The following YES1 variants were observed in gnomAD, a reference collection of about 807,000 sequenced individuals.
YES1 encodes YES proto-oncogene 1, Src family tyrosine kinase.
Under a neutral mutation model 70.4 loss-of-function variants are expected in YES1, and 39 were observed. The observed-to-expected ratio is 0.55, with a 90% CI of 0.43 to 0.72. The LOEUF is 0.72. Ranked by LOEUF, YES1 falls within the 30% of genes least tolerant of loss-of-function variation. The probability of loss-of-function intolerance (pLI) is 0.00; values close to 1 mark genes in which losing one functional copy is unlikely to be tolerated. For missense variants in YES1, 495 were observed against 644.8 expected, an observed-to-expected ratio of 0.77 and a Z score of 2.52; for synonymous variants, 198 against 218.6, an observed-to-expected ratio of 0.91 and a Z score of 0.83.
chr18:731,087 G>T (rs1278622730), intron 11 of YES1, among the ~76,000 whole-genome samples: 1 of 152,208 alleles, frequency 6.6e-6, no homozygotes, highest in Non-Finnish European at 1.5e-5. Flanking sequence ...TCAAGAAATT[G>T]CTAGGGTTGG....
At position 800,876 on chromosome 18, in the gene YES1, G is replaced by A. The variant is rs561197120; in HGVS notation, c.-9+11238C>T. Among the ~76,000 whole-genome samples, 19 of 152,286 alleles carry A rather than the reference G, an allele frequency of 1.2e-4. No individual in the cohort carries two copies. The East Asian group carries it at 3.7e-3, about 29-fold the overall frequency. On this transcript the variant is annotated intron_variant, in intron 1 of 11. Coordinates refer to ENST00000314574, the MANE Select transcript of YES1 (RefSeq NM_005433.4). ...AAAAATAAAAACAAAGGCTGGGTGT[G>A]GTGGCTCACGACTGTAATCCCAGCA...
intron 1 of YES1, among the ~76,000 whole-genome samples, chr18:805,130 A>T (rs1417653092): frequency 6.6e-6 from 1 of 152,142 alleles, no homozygotes; most frequent in Non-Finnish European, 1.5e-5. Flanking sequence ...TATTCTGAGA[A>T]ATGCCTCATT....
chr18:765,247 ACTATATATATAT>A (rs1568204682), intron 1 of YES1, among the ~76,000 whole-genome samples: 2 of 62,394 alleles, frequency 3.2e-5, no homozygotes, highest in African/African-American at 1.1e-4. Flanking sequence ...AAGAGTTACA[ACTATATATATAT>A]ATATATATAT....
chr18:757,304 C>T lies in YES1; in HGVS notation c.-8-469G>A, dbSNP rs534943440. On this transcript the variant is annotated intron_variant, in intron 1 of 11. Coordinates refer to ENST00000314574, the MANE Select transcript of YES1 (RefSeq NM_005433.4). ...GGATCACGAGGTCAGGAGATTGAGA[C>T]CATCCTGGCTAACACGGTGAAACCC... is the stretch of plus-strand genomic sequence containing the variant. 1.9e-4 allele frequency among the ~76,000 whole-genome samples: 28 copies of T among 151,008 alleles called. No individual in the cohort carries two copies. The South Asian group carries it at 2.9e-3, about 16-fold the overall frequency.
chr18:743,959 G>A (rs2080247461), intron 6 of YES1, among the ~76,000 whole-genome samples: 1 of 148,482 alleles, frequency 6.7e-6, no homozygotes, highest in South Asian at 2.1e-4. Flanking sequence ...TACTTAGTAT[G>A]TATATACTAA....
At position 792,663 on chromosome 18, in the gene YES1, GAGCAGC is replaced by G. The variant is rs914323287; in HGVS notation, c.-9+19445_-9+19450del. Among the ~76,000 whole-genome samples the G allele has an allele frequency of 3.5e-3, 532 of 151,372 alleles. 4 individuals carry two copies. The highest frequency in any genetic ancestry group is 0.012 in the African/African-American group (502 of 41,210). ...TATATATATGAAGGAGGAGCAGCAGGAGCAGCAGCAGCAGCAGCCATGTGCAGTGGC... is the reference window on the plus strand; with the variant it reads ...TATATATATGAAGGAGGAGCAGCAGGAGCAGCAGCAGCCATGTGCAGTGGC... On this transcript the variant is annotated intron_variant, in intron 1 of 11. Coordinates refer to ENST00000314574, the MANE Select transcript of YES1 (RefSeq NM_005433.4).
intron 1 of YES1, among the ~76,000 whole-genome samples, chr18:793,825 G>C (rs1328517957): frequency 6.6e-6 from 1 of 152,090 alleles, no homozygotes; most frequent in Admixed American, 6.6e-5. Flanking sequence ...GTTTGAAGAG[G>C]CTCTTGCTGA....
At chr18:811,309 T>G (rs1274611011) in intron 1 of YES1, among the ~76,000 whole-genome samples, 1 of 152,218 alleles carries the variant, frequency 6.6e-6, no homozygotes, top group Non-Finnish European at 1.5e-5. Context: ...CAGAAAATGA[T>G]TCAACCAAAT....
chr18:804,991 G>A (rs961368372), intron 1 of YES1, among the ~76,000 whole-genome samples: 3 of 151,594 alleles, frequency 2.0e-5, no homozygotes, highest in Admixed American at 2.0e-4. Flanking sequence ...CAATTTGCTT[G>A]AGAAAGTTCC....
rs779016332 is a variant in YES1, at chr18:745,931, T to C, written c.574+17A>G. ...CCAAGAAATTTTATACTTATACTAA[T>C]ATAACAATATTCATACCTTTAGTTG... On this transcript the variant is annotated intron_variant, in intron 5 of 11. Transcript: ENST00000314574. 13 of 1,602,800 alleles carry C rather than the reference T, an allele frequency of 8.1e-6. No homozygotes were observed. Among genetic ancestry groups the C allele is most frequent in the South Asian group, 5.6e-5 (5 of 89,518 alleles).
intron 11 of YES1, among the ~76,000 whole-genome samples, chr18:731,225 A>G (rs1248541022): frequency 3.3e-5 from 5 of 152,146 alleles, no homozygotes; most frequent in African/African-American, 4.8e-5. Context: ...AGACTGGCTA[A>G]GGTAGAGTGA....
Position 765,248 on chromosome 18 carries a change from CTATATATATATATATATATATATA to C in YES1, c.-8-8437_-8-8414del, listed in dbSNP as rs71174288. 1.4e-3 allele frequency among the ~76,000 whole-genome samples: 124 copies of C among 91,520 alleles called. 2 individuals carry two copies. Among genetic ancestry groups the C allele is most frequent in the Middle Eastern group, 6.3e-3 (1 of 160 alleles). 60.0% of individuals were successfully genotyped at this position (91,520 alleles called of 152,430 possible). On this transcript the variant is annotated intron_variant, in intron 1 of 11. Transcript: ENST00000314574. ...GGACAGGTTTGGGAAAGAGTTACAA[CTATATATATATATATATATATATA>C]TATATATATATATATATATATCTGT...
intron 1 of YES1, among the ~76,000 whole-genome samples, chr18:800,993 A>T (rs555792782): frequency 6.6e-6 from 1 of 152,178 alleles, no homozygotes; most frequent in African/African-American, 2.4e-5. Flanking sequence ...TAAAAATATA[A>T]AAATTAGCTG....
chr18:781,289 A>AAAT lies in YES1; in HGVS notation c.-8-24455_-8-24454insATT, dbSNP rs1555689800. Among the ~76,000 whole-genome samples the AAAT allele has an allele frequency of 3.4e-3, 522 of 151,474 alleles. 6 individuals are homozygous for AAAT. Among genetic ancestry groups the AAAT allele is most frequent in the African/African-American group, 0.012 (494 of 41,236 alleles). ...TGTCTCAAAAAAAAAAAAAAAAATA[A>AAAT]GAGGGCCTTGTATGATTTGCTTAAT... On this transcript the variant is annotated intron_variant, in intron 1 of 11. Transcript: ENST00000314574.
intron 1 of YES1, among the ~76,000 whole-genome samples, chr18:809,377 G>A (rs538128375): frequency 6.6e-6 from 1 of 151,860 alleles, no homozygotes; most frequent in Non-Finnish European, 1.5e-5. Flanking sequence ...TTAGCTCACC[G>A]CAATCTCTGT....
chr18:812,002 CG>C, intron 1 of YES1, 111 bp downstream of exon 1: 1 of 155,604 alleles, frequency 6.4e-6, no homozygotes, highest in Non-Finnish European at 1.3e-5. Context: ...CTCGGGCCCG[CG>C]GGGGCGGGGA....
chr18:798,502 T>C (rs576090953), intron 1 of YES1, among the ~76,000 whole-genome samples: 1 of 152,218 alleles, frequency 6.6e-6, no homozygotes, highest in South Asian at 2.1e-4. Context: ...TTGGAGTGAC[T>C]GATGGGGTAG....
intron 1 of YES1, among the ~76,000 whole-genome samples, chr18:783,348 G>T (rs1299192677): frequency 6.6e-6 from 1 of 151,854 alleles, no homozygotes. Context: ...TCAAAATCTT[G>T]TTCCAAACTG....
intron 6 of YES1, among the ~76,000 whole-genome samples, chr18:743,916 A>AT (rs1376471996): frequency 0.012 from 1,719 of 146,294 alleles, 15 homozygotes; most frequent in African/African-American, 0.025. Context: ...GAAAAAAAAA[A>AT]AAATATATAT....
Sources: gnomAD v4.1 joint callset for allele counts (sites outside exome capture counted in the v4.1 genomes callset) on GRCh38, gnomAD v4.1.1 for gene constraint, MANE v1.5 for transcripts, NCBI Gene and HGNC (gene_info 2026-07-23, HGNC 2026-07-21) for gene names.